Variants in VSTM4 observed in about 807,000 individuals in gnomAD.
VSTM4 encodes the protein V-set and transmembrane domain containing 4.
VSTM4 carries 20 observed loss-of-function variants against 36.4 expected under a neutral mutation model. The observed-to-expected ratio is 0.55, with a 90% CI of 0.39 to 0.80. The LOEUF is 0.80. VSTM4 is among the 30% of genes least tolerant of loss of function. The pLI, the probability that VSTM4 is intolerant of heterozygous loss-of-function variation, is 0.00. For missense variants in VSTM4, 392 were observed against 404.5 expected, an observed-to-expected ratio of 0.97 and a Z score of 0.26; for synonymous variants, 182 against 173.9, an observed-to-expected ratio of 1.05 and a Z score of -0.37.
chr10:49,059,120 A>G (rs1590094885), intron 5 of VSTM4, among the ~76,000 whole-genome samples: 1 of 152,206 alleles, frequency 6.6e-6, no homozygotes, highest in Admixed American at 6.5e-5. Flanking sequence ...GGGCTGCACT[A>G]AGTCAAACAG....
intron 2 of VSTM4, among the ~76,000 whole-genome samples, chr10:49,093,222 C>T (rs957844602): frequency 2.6e-5 from 4 of 152,108 alleles, no homozygotes; most frequent in African/African-American, 7.2e-5. Context: ...CCCACTGGGG[C>T]TTCAGGAGTT....
At chr10:49,030,120 A>G (rs1843322409) in intron 7 of VSTM4, among the ~76,000 whole-genome samples, 1 of 152,216 alleles carries the variant, frequency 6.6e-6, no homozygotes. Context: ...AGGTGAAAAT[A>G]TGCAGCTGAG....
intron 3 of VSTM4, among the ~76,000 whole-genome samples, chr10:49,082,303 A>G (rs1443634671): frequency 6.6e-6 from 1 of 152,210 alleles, no homozygotes; most frequent in East Asian, 1.9e-4. Context: ...TTGAAGCCAG[A>G]CCTTTCAACA....
intron 4 of VSTM4, among the ~76,000 whole-genome samples, chr10:49,075,963 G>A (rs1296736331): frequency 6.6e-6 from 1 of 152,204 alleles, no homozygotes; most frequent in Non-Finnish European, 1.5e-5. Flanking sequence ...CCTCTCTGCA[G>A]ACCCCTGATG....
chr10:49,074,214 G>T (rs1844133242), intron 4 of VSTM4, among the ~76,000 whole-genome samples: 2 of 152,198 alleles, frequency 1.3e-5, no homozygotes, highest in African/African-American at 4.8e-5. Context: ...GCTATAAATT[G>T]CTTTCCTCTG....
At position 49,026,246 on chromosome 10, in the gene VSTM4, T is replaced by C. The variant is rs189493125; in HGVS notation, c.838-6471A>G. ...TCTGCCGCCTCAATGAACCACTGGA[T>C]TGGCCCTGGGTCTACCCAGGGTCTC... On this transcript the variant is annotated intron_variant, in intron 7 of 7. Coordinates refer to ENST00000332853, the MANE Select transcript of VSTM4 (RefSeq NM_001031746.5). Among the ~76,000 whole-genome samples the C allele has an allele frequency of 7.9e-4, 120 of 152,286 alleles. 1 individual carries two copies. The highest frequency in any genetic ancestry group is 2.7e-3 in the African/African-American group (113 of 41,568).
intron 2 of VSTM4, among the ~76,000 whole-genome samples, chr10:49,095,510 C>G (rs910162737): frequency 6.6e-6 from 1 of 152,166 alleles, no homozygotes; most frequent in Admixed American, 6.5e-5. Flanking sequence ...CCAACAATTG[C>G]AAACATGCAT....
intron 6 of VSTM4, 136 bp downstream of exon 6, chr10:49,048,342 G>C: frequency 1.3e-6 from 1 of 768,292 alleles, no homozygotes; most frequent in Non-Finnish European, 2.0e-6. Flanking sequence ...TGGGGGTCCA[G>C]ACTACATAAT....
chr10:49,112,654 C>T (rs188220008), intron 1 of VSTM4, among the ~76,000 whole-genome samples: 23 of 152,342 alleles, frequency 1.5e-4, no homozygotes, highest in African/African-American at 4.6e-4. Context: ...GACCTGCAGG[C>T]ACACAGGACC....
At chr10:49,028,158 A>C (rs982460837) in intron 7 of VSTM4, among the ~76,000 whole-genome samples, 18 of 152,116 alleles carry the variant, frequency 1.2e-4, no homozygotes, top group Admixed American at 1.2e-3. Flanking sequence ...GAACTTTCCC[A>C]TCCTAGACTT....
At chr10:49,100,822 G>T (rs1427536148) in intron 2 of VSTM4, among the ~76,000 whole-genome samples, 1 of 152,036 alleles carries the variant, frequency 6.6e-6, no homozygotes, top group Non-Finnish European at 1.5e-5. Flanking sequence ...GAGGATATTT[G>T]CCCTATTCTA....
Position 49,077,290 on chromosome 10 carries a change from C to A in VSTM4, c.563G>T (p.Gly188Val), listed in dbSNP as rs1333855746. The change falls in exon 4 of 8, where the codon GGG (glycine) becomes GTG (valine). Residue 188 changes from glycine to valine, a missense_variant. Gly to Val is a moderately radical substitution (Grantham distance 109, BLOSUM62 -3). Transcript: ENST00000332853. Reference protein sequence around the residue: ...YVYAVLVCCVGILSILLFMLV... With the variant: ...YVYAVLVCCVVILSILLFMLV... ...CATGAAGAGCAGAATGCTGAGGATCCCCACGCAGCACACGAGGACAGCATA... is the reference window on the plus strand; with the variant it reads ...CATGAAGAGCAGAATGCTGAGGATCACCACGCAGCACACGAGGACAGCATA... The A allele has an allele frequency of 6.2e-7, 1 of 1,614,154 alleles. No individual in the cohort carries two copies. The highest frequency in any genetic ancestry group is 8.5e-7 in the Non-Finnish European group (1 of 1,180,022).
chr10:49,059,394 C>T (rs1843836676), intron 5 of VSTM4, among the ~76,000 whole-genome samples: 1 of 152,328 alleles, frequency 6.6e-6, no homozygotes, highest in Non-Finnish European at 1.5e-5. Context: ...GTCATCTTGA[C>T]CTCATTTATC....
At chr10:49,027,893 G>C (rs146102338) in intron 7 of VSTM4, among the ~76,000 whole-genome samples, 29 of 152,302 alleles carry the variant, frequency 1.9e-4, no homozygotes, top group Admixed American at 1.0e-3. Context: ...TGTTATAAAC[G>C]TTCAAATATA....
At chr10:49,088,001 CAT>C (rs1205427444) in intron 2 of VSTM4, among the ~76,000 whole-genome samples, 2 of 143,674 alleles carry the variant, frequency 1.4e-5, no homozygotes, top group Admixed American at 6.9e-5. Context: ...TGTATATACA[CAT>C]GTAATATATG....
intron 7 of VSTM4, among the ~76,000 whole-genome samples, chr10:49,024,140 A>T (rs1206736044): frequency 6.6e-6 from 1 of 152,040 alleles, no homozygotes; most frequent in African/African-American, 2.4e-5. Flanking sequence ...TTTCCATTTC[A>T]CCTAACCTGC....
intron 7 of VSTM4, among the ~76,000 whole-genome samples, chr10:49,023,919 C>T (rs1440481541): frequency 6.6e-6 from 1 of 152,140 alleles, no homozygotes; most frequent in African/African-American, 2.4e-5. Context: ...AAGGAAACTG[C>T]TTGAAGGAGG....
intron 3 of VSTM4, among the ~76,000 whole-genome samples, chr10:49,081,195 C>T (rs1032409325): frequency 6.6e-6 from 1 of 152,174 alleles, no homozygotes; most frequent in African/African-American, 2.4e-5. Context: ...TACTCCAGAA[C>T]AGGATGGCAG....
chr10:49,094,274 G>A (rs1469051302), intron 2 of VSTM4, among the ~76,000 whole-genome samples: 2 of 152,202 alleles, frequency 1.3e-5, no homozygotes, highest in Non-Finnish European at 2.9e-5. Flanking sequence ...TCTGGCCTTG[G>A]AGTTGCAGGC....
Sources: gnomAD v4.1 joint callset for allele counts (sites outside exome capture counted in the v4.1 genomes callset) on GRCh38, gnomAD v4.1.1 for gene constraint, MANE v1.5 for transcripts, NCBI Gene and HGNC (gene_info 2026-07-23, HGNC 2026-07-21) for gene names.